Variants in AKAP13 observed in about 807,000 individuals in gnomAD.
AKAP13 encodes the protein A-kinase anchoring protein 13, also known as A-kinase anchor protein 13.
Under a neutral mutation model 264.5 loss-of-function variants are expected in AKAP13, and 80 were observed. The ratio of observed to expected loss-of-function variants is 0.30; its 90% CI spans 0.25 to 0.36. The LOEUF is 0.36. Ranked by LOEUF, AKAP13 falls within the 10% of genes least tolerant of loss-of-function variation. The pLI, the probability that AKAP13 is intolerant of heterozygous loss-of-function variation, is 1.00. For missense variants in AKAP13, 3,712 were observed against 3,435.2 expected (o/e 1.08, Z -2.01); for synonymous variants, 1,380 against 1,250.2 (o/e 1.10, Z -2.19).
chr15:85,599,246 T>G (rs1257238511), intron 8 of AKAP13, among the ~76,000 whole-genome samples: 1 of 152,248 alleles, frequency 6.6e-6, no homozygotes, highest in African/African-American at 2.4e-5. Context: ...CTGTTGCAGC[T>G]GAACGCATTA....
chr15:85,647,596 G>A (rs2082613797), intron 10 of AKAP13, among the ~76,000 whole-genome samples: 1 of 151,772 alleles, frequency 6.6e-6, no homozygotes, highest in Non-Finnish European at 1.5e-5. Context: ...GCAAACTTAA[G>A]GATTTCTATC....
Position 85,581,977 on chromosome 15 carries a change from C to G in AKAP13, c.3909C>G (p.Phe1303Leu), listed in dbSNP as rs771168888. ...ESAFTEKVST[F>L]PPGESLPMGS... Reference sequence around the variant, plus strand: ...CTTTTACAGAAAAAGTGAGTACTTTCCCACCTGGGGAGAGCCTACCAATGG... The same window carrying G: ...CTTTTACAGAAAAAGTGAGTACTTTGCCACCTGGGGAGAGCCTACCAATGG... Residue 1303 changes from phenylalanine to leucine, a missense_variant, in exon 7 of 37, where the codon TTC (phenylalanine) becomes TTG (leucine). Physicochemically the swap from Phe to Leu is conservative, Grantham distance 22. Around this residue, in one of 3 missense-constraint regions of AKAP13, gnomAD observed 2,759 missense variants for 2,411.7 expected, o/e 1.14. Transcript: ENST00000394518. 19 of 1,614,034 alleles carry G rather than the reference C, an allele frequency of 1.2e-5. No individual in the cohort carries two copies. The highest frequency in any genetic ancestry group is 1.7e-5 in the Admixed American group (1 of 60,008).
At chr15:85,541,358 T>C (rs764227327) in intron 4 of AKAP13, among the ~76,000 whole-genome samples, 2 of 152,206 alleles carry the variant, frequency 1.3e-5, no homozygotes. Context: ...AAGGCAAATA[T>C]AGAAAAACAT....
chr15:85,539,148 C>T (rs950186637), intron 4 of AKAP13, among the ~76,000 whole-genome samples: 4 of 152,058 alleles, frequency 2.6e-5, no homozygotes, highest in African/African-American at 9.7e-5. Context: ...TGTATTTTTT[C>T]AGCTGTCATC....
chr15:85,555,272 G>A, intron 5 of AKAP13: 1 of 197,008 alleles, frequency 5.1e-6, no homozygotes, highest in Non-Finnish European at 9.2e-6. Flanking sequence ...AACTCATTAA[G>A]GTTGGACACT....
chr15:85,673,199 G>C (rs545704025), intron 14 of AKAP13, among the ~76,000 whole-genome samples: 1 of 152,254 alleles, frequency 6.6e-6, no homozygotes, highest in South Asian at 2.1e-4. Flanking sequence ...TCTAAGCTGG[G>C]ATCTGTTTTT....
intron 8 of AKAP13, among the ~76,000 whole-genome samples, chr15:85,635,618 A>G (rs1269704648): frequency 2.0e-5 from 3 of 152,100 alleles, no homozygotes; most frequent in Non-Finnish European, 4.4e-5. Flanking sequence ...CTATTTAAGA[A>G]ATCTTTGTGT....
intron 8 of AKAP13, among the ~76,000 whole-genome samples, chr15:85,613,584 G>A (rs1340005103): frequency 1.3e-5 from 2 of 151,074 alleles, no homozygotes; most frequent in Non-Finnish European, 3.0e-5. Flanking sequence ...AGGAGGCTGA[G>A]GCAGGAGAAT....
chr15:85,675,951 G>A (rs924794511), intron 14 of AKAP13, among the ~76,000 whole-genome samples: 3 of 151,560 alleles, frequency 2.0e-5, no homozygotes, highest in Non-Finnish European at 4.4e-5. Context: ...TCACTCCATC[G>A]CCCGGGCTGG....
chr15:85,388,436 T>G (rs985590133), intron 1 of AKAP13, among the ~76,000 whole-genome samples: 7 of 152,126 alleles, frequency 4.6e-5, no homozygotes, highest in African/African-American at 1.7e-4. Flanking sequence ...TCCTTTTTCC[T>G]GATGTTAGAG....
chr15:85,733,822 T>C (rs963019400), intron 30 of AKAP13, among the ~76,000 whole-genome samples: 2 of 151,708 alleles, frequency 1.3e-5, no homozygotes, highest in African/African-American at 4.8e-5. Flanking sequence ...TTTCTAATTC[T>C]GACCTAAGTT....
At chr15:85,559,537 T>C (rs1214105218) in intron 5 of AKAP13, among the ~76,000 whole-genome samples, 1 of 152,152 alleles carries the variant, frequency 6.6e-6, no homozygotes, top group Admixed American at 6.5e-5. Context: ...AATGTAGAGT[T>C]AGTGGGAGCC....
At chr15:85,595,120 G>C (rs1001182254) in intron 8 of AKAP13, among the ~76,000 whole-genome samples, 30 of 152,012 alleles carry the variant, frequency 2.0e-4, no homozygotes, top group African/African-American at 7.2e-4. Flanking sequence ...GTTTTGTAGA[G>C]ATAGGGTCTC....
chr15:85,451,585 G>A (rs533488566), intron 1 of AKAP13, among the ~76,000 whole-genome samples: 2 of 152,284 alleles, frequency 1.3e-5, no homozygotes, highest in East Asian at 1.9e-4. Flanking sequence ...GAAGTCTCTC[G>A]ACATTTGCTT....
At chr15:85,740,405 G>C (rs1383644760) in intron 34 of AKAP13, 133 bp downstream of exon 34, 14 of 956,112 alleles carry the variant, frequency 1.5e-5, no homozygotes, top group Non-Finnish European at 1.1e-5. Context: ...AGGGAAGACT[G>C]GCTCTCGTGG....
intron 1 of AKAP13, among the ~76,000 whole-genome samples, chr15:85,386,611 A>G (rs2070575805): frequency 6.6e-6 from 1 of 152,146 alleles, no homozygotes; most frequent in Non-Finnish European, 1.5e-5. Flanking sequence ...TTATCATTTA[A>G]AATTTTATAT....
chr15:85,566,139 CTTTA>C (rs760075933), intron 5 of AKAP13, among the ~76,000 whole-genome samples: 2 of 152,214 alleles, frequency 1.3e-5, no homozygotes, highest in Non-Finnish European at 2.9e-5. Flanking sequence ...AGACAATTCA[CTTTA>C]TTTATACTCT....
rs2151762808 is a variant in AKAP13 at position 85,734,870 on chromosome 15, C to T, written c.7283-122C>T. 4.5e-6 allele frequency: 6 copies of T among 1,322,308 alleles called. No individual in the cohort carries two copies. In the East Asian group the frequency reaches 1.4e-4, roughly 32 times the overall value. The allele number at this position is 1,322,308 out of a possible 1,614,324, so 81.9% of individuals were successfully genotyped here. On this transcript the variant is annotated intron_variant, in intron 30 of 36. Transcript: ENST00000394518. ...TGAGACCCTTCTCTGAGCAAAGGAA[C>T]TCACCCAGTCACTCTTTGGAACTTT...
At position 85,427,245 on chromosome 15, in the gene AKAP13, G is replaced by A. The variant is rs532447194; in HGVS notation, c.-12+46447G>A. ...GCTGGGATTACAAGCGTGAGCCACC[G>A]CGCCCGGCCTTAGTATTGTTTTCTG... On this transcript the variant is annotated intron_variant, in intron 1 of 36. Transcript: ENST00000394518. Among the ~76,000 whole-genome samples, 96 of 152,082 alleles carry A rather than the reference G, an allele frequency of 6.3e-4. No individual in the cohort carries two copies. In the South Asian group the frequency reaches 0.017, roughly 27 times the overall value.
Sources: allele counts gnomAD v4.1 joint callset (sites outside exome capture counted in the v4.1 genomes callset), GRCh38; gene constraint gnomAD v4.1.1; regional missense constraint gnomAD v4.1.1; transcripts MANE v1.5; gene names NCBI Gene and HGNC (gene_info 2026-07-23, HGNC 2026-07-21).